The following BRD4 variants were observed in gnomAD, a reference collection of about 807,000 sequenced individuals.
The protein encoded by BRD4 is bromodomain containing 4, also known as bromodomain-containing protein 4.
Under a neutral mutation model 142.1 loss-of-function variants are expected in BRD4, and 16 were observed. The observed-to-expected ratio is 0.11, with a 90% CI of 0.08 to 0.17. The LOEUF is 0.17. Among genes scored for constraint, BRD4 ranks in the 10% least tolerant of loss-of-function variants. The pLI is 1.00. For missense variants in BRD4, 1,424 were observed against 1,810.9 expected, an observed-to-expected ratio of 0.79 and a Z score of 3.88; for synonymous variants, 833 against 707.5, an observed-to-expected ratio of 1.18 and a Z score of -2.82.
At chr19:15,293,432 A>C (rs1347454490) in intron 1 of BRD4, among the ~76,000 whole-genome samples, 1 of 152,168 alleles carries the variant, frequency 6.6e-6, no homozygotes, top group African/African-American at 2.4e-5. Context: ...CAAGACAGGA[A>C]GCAACAGCTG....
intron 1 of BRD4, among the ~76,000 whole-genome samples, chr19:15,279,567 G>A (rs1194982706): frequency 6.6e-6 from 1 of 152,126 alleles, no homozygotes; most frequent in Non-Finnish European, 1.5e-5. Flanking sequence ...AAGCAGTCTG[G>A]CCCCAAGCAA....
chr19:15,266,964 G>A (rs977952060), intron 4 of BRD4, among the ~76,000 whole-genome samples: 9 of 152,190 alleles, frequency 5.9e-5, no homozygotes, highest in African/African-American at 2.2e-4. Flanking sequence ...AGATGACTGA[G>A]CATCAGAAGC....
At chr19:15,277,674 C>G (rs1487477188) in intron 1 of BRD4, among the ~76,000 whole-genome samples, 2 of 150,990 alleles carry the variant, frequency 1.3e-5, no homozygotes, top group Non-Finnish European at 1.5e-5. Flanking sequence ...CCTGTGGTCC[C>G]AGCTACTCAG....
At chr19:15,253,436 G>A (rs1401453376) in intron 11 of BRD4, 1 of 926,244 alleles carries the variant, frequency 1.1e-6, no homozygotes, top group South Asian at 1.6e-5. Flanking sequence ...CTCAGAAGGT[G>A]GGCTCTAATG....
At chr19:15,315,716 C>T (rs762082903) in intron 1 of BRD4, among the ~76,000 whole-genome samples, 1 of 152,046 alleles carries the variant, frequency 6.6e-6, no homozygotes, top group African/African-American at 2.4e-5. Context: ...ACCAGCCGGG[C>T]GTGGTGGCCG....
intron 11 of BRD4, among the ~76,000 whole-genome samples, chr19:15,252,098 G>T (rs545073622): frequency 6.6e-6 from 1 of 152,034 alleles, no homozygotes; most frequent in African/African-American, 2.4e-5. Flanking sequence ...ATAAAATCTC[G>T]GCAGCGGCAG....
intron 1 of BRD4, among the ~76,000 whole-genome samples, chr19:15,280,769 C>A (rs990825436): frequency 6.6e-6 from 1 of 152,168 alleles, no homozygotes; most frequent in Non-Finnish European, 1.5e-5. Flanking sequence ...ACCTCTCCAC[C>A]GCTCCAAGGC....
chr19:15,321,177 T>C (rs1189869177), intron 1 of BRD4, among the ~76,000 whole-genome samples: 2 of 151,316 alleles, frequency 1.3e-5, no homozygotes, highest in Non-Finnish European at 2.9e-5. Flanking sequence ...TGAGCCGAGA[T>C]GGTGCCACTG....
At chr19:15,242,622 C>T (rs532213205) in intron 14 of BRD4, among the ~76,000 whole-genome samples, 1 of 152,124 alleles carries the variant, frequency 6.6e-6, no homozygotes, top group Non-Finnish European at 1.5e-5. Flanking sequence ...CTAGCTTCCC[C>T]ACCTAGCAAG....
chr19:15,303,298 C>G (rs1219554020), intron 1 of BRD4, among the ~76,000 whole-genome samples: 1 of 152,164 alleles, frequency 6.6e-6, no homozygotes, highest in African/African-American at 2.4e-5. Flanking sequence ...AACAAAGCTA[C>G]TGTTTACAAT....
chr19:15,279,331 C>A (rs1005260426), intron 1 of BRD4, among the ~76,000 whole-genome samples: 2 of 152,112 alleles, frequency 1.3e-5, no homozygotes, highest in South Asian at 4.1e-4. Context: ...AATTAGAAAT[C>A]TAACAAAAGA....
chr19:15,300,740 A>G (rs1019430172), intron 1 of BRD4, among the ~76,000 whole-genome samples: 1 of 152,166 alleles, frequency 6.6e-6, no homozygotes, highest in African/African-American at 2.4e-5. Flanking sequence ...CTGCAAGACT[A>G]TGTGAATCCA....
In BRD4 at chr19:15,236,167, G is replaced by A. The variant is rs1238083169; in HGVS notation, c.*2210C>T. 2.6e-5 allele frequency: 4 copies of A among 152,228 alleles called. No individual in the cohort carries two copies. The highest frequency in any genetic ancestry group is 1.3e-4 in the Admixed American group (2 of 15,278). 9.4% of individuals were successfully genotyped at this position (152,228 alleles called of 1,614,324 possible). On this transcript the variant is annotated 3_prime_UTR_variant, in exon 20 of 20. Coordinates refer to ENST00000679869, the MANE Select transcript of BRD4 (RefSeq NM_001379291.1). ...TTTCAGGTCAAAAAGAGGGGATGTA[G>A]GAGAATAAACAGTGCTAGAAATGTT... is the stretch of plus-strand genomic sequence containing the variant.
intron 1 of BRD4, among the ~76,000 whole-genome samples, chr19:15,285,256 G>C (rs751589514): frequency 1.3e-5 from 2 of 152,200 alleles, no homozygotes; most frequent in East Asian, 3.8e-4. Context: ...CCAGGGCAGC[G>C]ACTATCACAC....
At position 15,240,014 on chromosome 19, in the gene BRD4, G is replaced by A. The variant is rs768141679; in HGVS notation, c.3178C>T (p.Arg1060Cys). The A allele has an allele frequency of 2.2e-5, 36 of 1,610,950 alleles. No homozygotes were observed. Among genetic ancestry groups the A allele is most frequent in the South Asian group, 3.3e-5 (3 of 90,820 alleles). Residue 1060 changes from arginine (R) to cysteine (C), a missense_variant, in exon 15 of 20, where the codon CGC becomes TGC. By Grantham distance (180) the Arg-to-Cys change is radical. Around this residue, in one of 16 missense-constraint regions of BRD4, gnomAD observed 598 missense variants for 647.8 expected, o/e 0.92. Coordinates refer to ENST00000679869, the MANE Select transcript of BRD4 (RefSeq NM_001379291.1). ...KSDPYSTGHL[R>C]EAPSPLMIHS... is the part of the protein sequence containing the mutation. ...ATCATAAGCGGGGAGGGGGCTTCGC[G>A]GAGGTGACCTAGGAGAAGGGACAAG...
At chr19:15,319,388 C>G (rs2048042586) in intron 1 of BRD4, among the ~76,000 whole-genome samples, 1 of 152,018 alleles carries the variant, frequency 6.6e-6, no homozygotes, top group Non-Finnish European at 1.5e-5. Context: ...TCACCTAGGC[C>G]AGGAGGCCGA....
At position 15,267,458 on chromosome 19, in the gene BRD4, T is replaced by C. The variant is rs752951417; in HGVS notation, c.517A>G (p.Ile173Val). 4.2e-5 allele frequency: 67 copies of C among 1,614,130 alleles called. No individual in the cohort carries two copies. Among genetic ancestry groups the C allele is most frequent in the Non-Finnish European group, 5.2e-5 (61 of 1,180,056 alleles). The change falls in exon 4 of 20, where the codon ATA (isoleucine) becomes GTA (valine). Residue 173 changes from isoleucine to valine, a missense_variant. Physicochemically the swap from Ile to Val is conservative, Grantham distance 29 (BLOSUM62 3). This residue lies in a region of BRD4 where 55 missense variants were observed against 160.7 expected (regional missense o/e 0.34). Transcript: ENST00000679869. ...ELPTEETEIM[I>V]VQAKGRGRGR... ...CGTCCTCTTCCTTTTGCCTGGACTA[T>C]CATGATCTCGGTTTCTTCTGTGGGT...
At chr19:15,261,538 T>C (rs1397338405) in intron 7 of BRD4, among the ~76,000 whole-genome samples, 1 of 151,362 alleles carries the variant, frequency 6.6e-6, no homozygotes, top group Non-Finnish European at 1.5e-5. Context: ...CCTTCAAGGA[T>C]GGGAAATGCA....
rs112632875 is a variant in BRD4, at chr19:15,311,639, T to TA, written c.-35+20650dup. Among the ~76,000 whole-genome samples the TA allele has an allele frequency of 7.9e-3, 1,114 of 140,876 alleles. 3 individuals are homozygous for TA. Among genetic ancestry groups the TA allele is most frequent in the African/African-American group, 0.019 (737 of 38,504 alleles). 92.4% of individuals were successfully genotyped at this position (140,876 alleles called of 152,430 possible). On this transcript the variant is annotated intron_variant, in intron 1 of 19. Coordinates refer to ENST00000679869, the MANE Select transcript of BRD4 (RefSeq NM_001379291.1). ...AACCCTGTCTCTACTAAAAATACAT[T>TA]AAAAAAAAAAAAATTAGCCAGGCAT...
Sources: gnomAD v4.1 joint callset for allele counts (sites outside exome capture counted in the v4.1 genomes callset) on GRCh38, gnomAD v4.1.1 for gene constraint, gnomAD v4.1.1 regional missense constraint, MANE v1.5 for transcripts, NCBI Gene and HGNC (gene_info 2026-07-23, HGNC 2026-07-21) for gene names.